ZCCHC17: variants seen among roughly 807,000 people sequenced by gnomAD.
ZCCHC17 encodes the protein zinc finger CCHC-type containing 17.
A neutral mutation model predicts 30.6 loss-of-function variants in ZCCHC17; 18 were observed. That is an observed-to-expected ratio of 0.59 (90% CI 0.41 to 0.87). The LOEUF is 0.87. ZCCHC17 is among the 40% of genes least tolerant of loss of function. ZCCHC17 has a pLI of 0.00. For synonymous variants in ZCCHC17, 88 were observed against 92.4 expected (o/e 0.95, Z 0.27); for missense variants, 263 against 284.2 (o/e 0.93, Z 0.54).
intron 5 of ZCCHC17, among the ~76,000 whole-genome samples, chr1:31,344,852 G>T (rs1639181272): frequency 1.3e-5 from 1 of 79,440 alleles, no homozygotes; most frequent in East Asian, 2.4e-4. Flanking sequence ...TTTGTTATGG[G>T]TTTTTTTTTG....
Position 31,346,682 on chromosome 1 carries a change from G to A in ZCCHC17, c.360G>A (p.Gly120=). 1.2e-6 allele frequency: 2 copies of A among 1,614,080 alleles called. No homozygotes were observed. Among genetic ancestry groups the A allele is most frequent in the Non-Finnish European group, 1.7e-6 (2 of 1,179,990 alleles). Residue 120 remains glycine (G), a synonymous_variant, in exon 6 of 8, where the codon GGG becomes GGA. Coordinates refer to ENST00000344147, the MANE Select transcript of ZCCHC17 (RefSeq NM_016505.4). ...GGCGATCCTTCCAGGATTACACTGG[G>A]CAGAAGATCACCCTTGAGGCTGTCT... is the stretch of plus-strand genomic sequence containing the variant. ...RRRRSFQDYT[G]QKITLEAVLN...
intron 3 of ZCCHC17, among the ~76,000 whole-genome samples, chr1:31,327,838 G>A (rs1425711053): frequency 6.6e-6 from 1 of 152,176 alleles, no homozygotes; most frequent in East Asian, 1.9e-4. Flanking sequence ...CCCCTAGAGG[G>A]GGGACTGAGG....
At chr1:31,304,283 T>TG (rs1321044530) in intron 1 of ZCCHC17, among the ~76,000 whole-genome samples, 1 of 151,882 alleles carries the variant, frequency 6.6e-6, no homozygotes, top group Non-Finnish European at 1.5e-5. Flanking sequence ...TTTTTTTTTT[T>TG]TCTTTCTGAG....
chr1:31,358,719 C>G (rs771022246), intron 7 of ZCCHC17, among the ~76,000 whole-genome samples: 6 of 145,972 alleles, frequency 4.1e-5, no homozygotes, highest in Non-Finnish European at 6.0e-5. Flanking sequence ...TGGGAGGGGG[C>G]GGGGCATAGA....
chr1:31,307,964 T>A (rs1646507853), intron 1 of ZCCHC17, among the ~76,000 whole-genome samples: 1 of 152,252 alleles, frequency 6.6e-6, no homozygotes, highest in Non-Finnish European at 1.5e-5. Flanking sequence ...CTATGGATTC[T>A]GTACCTCACT....
In ZCCHC17 at chr1:31,340,608, C is replaced by T. The variant is rs188319332; in HGVS notation, c.317+1560C>T. ...CTGGGATTACAGGCGCGAGCCACCGCGCCCGGCCCTTGGAGGGTTTATTAA... is the reference window on the plus strand; with the variant it reads ...CTGGGATTACAGGCGCGAGCCACCGTGCCCGGCCCTTGGAGGGTTTATTAA... On this transcript the variant is annotated intron_variant, in intron 5 of 7. Transcript: ENST00000344147. Among the ~76,000 whole-genome samples the T allele has an allele frequency of 5.1e-4, 78 of 152,292 alleles. 1 individual carries two copies. The East Asian group carries it at 0.011, about 21-fold the overall frequency.
chr1:31,305,890 A>G (rs1646442629), intron 1 of ZCCHC17, among the ~76,000 whole-genome samples: 1 of 152,124 alleles, frequency 6.6e-6, no homozygotes, highest in African/African-American at 2.4e-5. Flanking sequence ...GAAATTGTAA[A>G]CCTGTTATAG....
chr1:31,330,602 G>A (rs1638544377), intron 3 of ZCCHC17, among the ~76,000 whole-genome samples: 1 of 151,970 alleles, frequency 6.6e-6, no homozygotes, highest in African/African-American at 2.4e-5. Context: ...TTAATTGTAA[G>A]GATAATATAG....
At chr1:31,315,561 G>A (rs929478819) in intron 2 of ZCCHC17, among the ~76,000 whole-genome samples, 1 of 152,068 alleles carries the variant, frequency 6.6e-6, no homozygotes, top group Admixed American at 6.6e-5. Context: ...GGTCGAAATA[G>A]CATTGGACTA....
intron 1 of ZCCHC17, among the ~76,000 whole-genome samples, chr1:31,304,744 C>T (rs1048059053): frequency 5.3e-5 from 8 of 151,874 alleles, no homozygotes; most frequent in African/African-American, 1.7e-4. Context: ...TACAGGTGCC[C>T]GCTGCCACGC....
intron 2 of ZCCHC17, among the ~76,000 whole-genome samples, chr1:31,315,130 G>A (rs1569782060): frequency 6.6e-6 from 1 of 152,138 alleles, no homozygotes; most frequent in South Asian, 2.1e-4. Context: ...GTGAGTTACT[G>A]TAGAGCAGAG....
intron 1 of ZCCHC17, chr1:31,297,313 A>T (rs1226905605): frequency 2.5e-6 from 1 of 396,706 alleles, no homozygotes; most frequent in African/African-American, 2.1e-5. Flanking sequence ...AAGAGCGCCC[A>T]TCGTGGCCAG....
chr1:31,303,744 C>T (rs954551218), intron 1 of ZCCHC17, among the ~76,000 whole-genome samples: 10 of 152,130 alleles, frequency 6.6e-5, no homozygotes, highest in Admixed American at 2.0e-4. Context: ...CCCAATACCC[C>T]AACAGCCCTG....
At chr1:31,311,955 C>G (rs1306109910) in intron 2 of ZCCHC17, among the ~76,000 whole-genome samples, 1 of 152,212 alleles carries the variant, frequency 6.6e-6, no homozygotes, top group Non-Finnish European at 1.5e-5. Flanking sequence ...CCTGGCCCCT[C>G]CATTCCTTCT....
At chr1:31,345,505 A>C (rs1189156727) in intron 5 of ZCCHC17, among the ~76,000 whole-genome samples, 1 of 73,962 alleles carries the variant, frequency 1.4e-5, no homozygotes, top group Non-Finnish European at 2.7e-5. Context: ...GTATGTTCAA[A>C]TTATGAAAAA....
At chr1:31,357,922 A>AT (rs1639708617) in intron 7 of ZCCHC17, among the ~76,000 whole-genome samples, 1 of 151,900 alleles carries the variant, frequency 6.6e-6, no homozygotes, top group Non-Finnish European at 1.5e-5. Context: ...CGCCCAGCTG[A>AT]TTTTCTATTT....
chr1:31,332,578 A>G lies in ZCCHC17; in HGVS notation c.125-4597A>G, dbSNP rs144178752. ...TCATCATAGAAAAATAGAGGGAAAAACACACAATGGAAAATGATCATTATG... is the reference window on the plus strand; with the variant it reads ...TCATCATAGAAAAATAGAGGGAAAAGCACACAATGGAAAATGATCATTATG... On this transcript the variant is annotated intron_variant, in intron 3 of 7. Coordinates refer to ENST00000344147, the MANE Select transcript of ZCCHC17 (RefSeq NM_016505.4). Among the ~76,000 whole-genome samples, 1,108 of 152,234 alleles carry G rather than the reference A, an allele frequency of 7.3e-3. 13 individuals are homozygous for G. The highest frequency in any genetic ancestry group is 0.025 in the African/African-American group (1,035 of 41,542).
intron 2 of ZCCHC17, among the ~76,000 whole-genome samples, chr1:31,312,258 G>A (rs1166824979): frequency 6.6e-6 from 1 of 151,882 alleles, no homozygotes; most frequent in Non-Finnish European, 1.5e-5. Flanking sequence ...TAAATAAATC[G>A]GTTCACACTG....
intron 3 of ZCCHC17, among the ~76,000 whole-genome samples, chr1:31,334,335 CTCTGTGTGTGTGTGTGTGTG>C (rs1226567582): frequency 2.2e-3 from 124 of 56,754 alleles, no homozygotes; most frequent in African/African-American, 9.1e-3. Context: ...CTCTCTCTCT[CTCTGTGTGTGTGTGTGTGTG>C]TGTGTGTGTG....
Sources: gnomAD v4.1 joint callset for allele counts (sites outside exome capture counted in the v4.1 genomes callset) on GRCh38, gnomAD v4.1.1 for gene constraint, MANE v1.5 for transcripts, NCBI Gene and HGNC (gene_info 2026-07-23, HGNC 2026-07-21) for gene names.